NSUN5: variants seen among roughly 807,000 people sequenced by gnomAD.
The protein encoded by NSUN5 is NOP2/Sun RNA methyltransferase 5.
Under a neutral mutation model 51.1 loss-of-function variants are expected in NSUN5, and 39 were observed. That is an observed-to-expected ratio of 0.76 (90% confidence interval 0.59 to 1.00). The LOEUF is 1.00. NSUN5 is among the 50% of genes least tolerant of loss of function. The pLI, the probability that NSUN5 is intolerant of heterozygous loss-of-function variation, is 0.00. For missense variants in NSUN5, 526 were observed against 614.0 expected (o/e 0.86, Z 1.51); for synonymous variants, 266 against 271.5 (o/e 0.98, Z 0.20).
At chr7:73,307,271 G>C (rs782095556) in intron 4 of NSUN5, 123 bp downstream of exon 4, 6 of 701,560 alleles carry the variant, frequency 8.6e-6, no homozygotes, top group Non-Finnish European at 1.2e-5. Flanking sequence ...CTTGGAGATG[G>C]ATAAACTGCT....
chr7:73,306,385 CAAAAAAAAAAAAA>C (rs36038371), intron 4 of NSUN5, among the ~76,000 whole-genome samples: 57 of 26,022 alleles, frequency 2.2e-3, no homozygotes, highest in Admixed American at 7.0e-3. Flanking sequence ...ACCCTTGTCT[CAAAAAAAAAAAAA>C]AAAAAAAAAA....
chr7:73,308,588 T>A (rs542302984), intron 1 of NSUN5, 35 bp from the exon 2 acceptor site: 1 of 1,588,742 alleles, frequency 6.3e-7, no homozygotes, highest in South Asian at 1.1e-5. Context: ...GGGTGGGGGC[T>A]CCCCCGGCCC....
At position 73,304,390 on chromosome 7, in the gene NSUN5, G is replaced by A; in HGVS notation, c.774C>T (p.Asp258=). The A allele has an allele frequency of 6.2e-7, 1 of 1,612,714 alleles. No homozygotes were observed. The change falls in exon 7 of 10, where the codon GAC becomes GAT. Residue 258 remains aspartate (D), a synonymous_variant. Transcript: ENST00000438747. ...LKNQGKIFAF[D]LDAKRLASMA... ...TGGATGCCAGCCGCTTGGCATCCAG[G>A]TCAAAGGCAAAGATCTTCCTAGGGC...
Position 73,303,621 on chromosome 7 carries a change from A to G in NSUN5, c.1265T>C (p.Ile422Thr), listed in dbSNP as rs1554541091. ...TLSSGFFVAV[I>T]ERVEVPSSAS... is the part of the protein sequence containing the mutation. ...TCACCTTGGCACCTCGACCCGTTCA[A>G]TTACAGCAACGAAGAAGCCACTGCT... is the stretch of plus-strand genomic sequence containing the variant. The change falls in exon 9 of 10, where the codon ATT (isoleucine) becomes ACT (threonine). Residue 422 changes from isoleucine (I) to threonine (T), a missense_variant. By Grantham distance (89) the Ile-to-Thr change is moderately conservative. Coordinates refer to ENST00000438747, the MANE Select transcript of NSUN5 (RefSeq NM_148956.4). 2 of 1,614,006 alleles carry G rather than the reference A, an allele frequency of 1.2e-6. No individual in the cohort carries two copies. Among genetic ancestry groups the G allele is most frequent in the Admixed American group, 1.7e-5 (1 of 60,008 alleles).
At position 73,304,144 on chromosome 7, in the gene NSUN5, T is replaced by C. The variant is rs1279069690; in HGVS notation, c.934+86A>G. ...TCCCAGGGTCCCAAGCCCATTAGTG[T>C]CAGAAGTAAGACCAAAACAAATGAC... On this transcript the variant is annotated intron_variant, in intron 7 of 9. Transcript: ENST00000438747. The C allele has an allele frequency of 1.0e-5, 16 of 1,556,356 alleles. No individual in the cohort carries two copies. In the African/African-American group the frequency reaches 1.5e-4, roughly 15 times the overall value.
At position 73,303,033 on chromosome 7, in the gene NSUN5, G is replaced by T. The variant is rs554415809; in HGVS notation, c.*382C>A. ...CTAGTTTACCTCAGTTCCGCAGGCAGGACAGCCGGTCCGGGAACCCTGAGT... is the reference window on the plus strand; with the variant it reads ...CTAGTTTACCTCAGTTCCGCAGGCATGACAGCCGGTCCGGGAACCCTGAGT... On this transcript the variant is annotated 3_prime_UTR_variant, in exon 10 of 10. Transcript: ENST00000438747. 1,880 of 1,305,562 alleles carry T rather than the reference G, an allele frequency of 1.4e-3. 2 individuals are homozygous for T. The highest frequency in any genetic ancestry group is 1.7e-3 in the Non-Finnish European group (1,749 of 1,021,644). 80.9% of individuals were successfully genotyped at this position (1,305,562 alleles called of 1,614,324 possible).
In NSUN5 at chr7:73,304,838, G is replaced by T. The variant is rs1554541564; in HGVS notation, c.664C>A (p.Leu222Met). The T allele has an allele frequency of 1.2e-6, 2 of 1,613,844 alleles. No homozygotes were observed. The highest frequency in any genetic ancestry group is 2.7e-5 in the African/African-American group (2 of 74,922). Reference protein sequence around the residue: ...DRASCLPAMLLDPPPGSHVID... With the variant: ...DRASCLPAMLMDPPPGSHVID... ...ACATGGGAGCCTGGCGGGGGGTCCA[G>T]CAGCATGGCTGGGAGACAGCTGGCC... The change falls in exon 6 of 10, where the codon CTG (leucine) becomes ATG (methionine). Residue 222 changes from leucine to methionine, a missense_variant. Transcript: ENST00000438747.
Position 73,307,677 on chromosome 7 carries a change from C to T in NSUN5, c.297G>A (p.Gln99=), listed in dbSNP as rs1186608680. 6 of 1,612,624 alleles carry T rather than the reference C, an allele frequency of 3.7e-6. No homozygotes were observed. In the African/African-American group the frequency reaches 6.7e-5, roughly 18 times the overall value. The stretch of plus-strand genomic sequence containing the variant: ...GAGCCAACTCAGCCTTGAGCCTCGC[C>T]TGGTGCCGGCCCAACAGAGCCTTCC... ...GRWKALLGRH[Q]ARLKAELARL... Residue 99 remains glutamine (Q), a synonymous_variant, in exon 3 of 10, where the codon CAG becomes CAA. Coordinates refer to ENST00000438747, the MANE Select transcript of NSUN5 (RefSeq NM_148956.4).
intron 4 of NSUN5, among the ~76,000 whole-genome samples, chr7:73,306,767 G>A (rs1554541871): frequency 1.3e-5 from 2 of 151,924 alleles, no homozygotes; most frequent in African/African-American, 4.8e-5. Flanking sequence ...TCTAATTCCA[G>A]CTACTCAGGA....
chr7:73,303,474 T>C lies in NSUN5; in HGVS notation c.1342A>G (p.Lys448Glu), dbSNP rs782064611. The change falls in exon 10 of 10, where the codon AAG (lysine) becomes GAG (glutamate). Residue 448 changes from lysine to glutamate, a missense_variant. Lys to Glu is a moderately conservative substitution (Grantham distance 56). Coordinates refer to ENST00000438747, the MANE Select transcript of NSUN5 (RefSeq NM_148956.4). ...GCTCTTTGCTGTCTCTTCTTTCTCT[T>C]TGGGGCTGGGCTGGGTGTGCGTTCT... The part of the protein sequence containing the change: ...APERTPSPAP[K>E]RKKRQQRAAA... 3.1e-6 allele frequency: 5 copies of C among 1,614,046 alleles called. No homozygotes were observed. In the Admixed American group the frequency reaches 6.7e-5, roughly 22 times the overall value.
chr7:73,308,218 T>G (rs1479745652), intron 2 of NSUN5: 1 of 626,848 alleles, frequency 1.6e-6, no homozygotes, highest in African/African-American at 1.8e-5. Context: ...TCTCCGCCAC[T>G]ACCACTTTGT....
chr7:73,305,179 G>C, intron 4 of NSUN5, 82 bp from the exon 5 acceptor site: 1 of 1,523,756 alleles, frequency 6.6e-7, no homozygotes, highest in Non-Finnish European at 8.9e-7. Context: ...TGCAACAAAT[G>C]TTACCACAGC....
chr7:73,302,896 C>T lies in NSUN5; in HGVS notation c.*519G>A. The T allele has an allele frequency of 4.8e-6, 5 of 1,038,882 alleles. No homozygotes were observed. The highest frequency in any genetic ancestry group is 5.8e-6 in the Non-Finnish European group (5 of 860,414). 64.4% of individuals were successfully genotyped at this position (1,038,882 alleles called of 1,614,324 possible). A position where few individuals can be genotyped will look rare whatever the true frequency, so the allele number is the denominator to read the frequency against. On this transcript the variant is annotated 3_prime_UTR_variant, in exon 10 of 10. Coordinates refer to ENST00000438747, the MANE Select transcript of NSUN5 (RefSeq NM_148956.4). ...GTGTGCAGCTGAGGAGGGAGTGAACCTCAAGCCTAAATACCTGTTAGGATT... is the reference window on the plus strand; with the variant it reads ...GTGTGCAGCTGAGGAGGGAGTGAACTTCAAGCCTAAATACCTGTTAGGATT...
chr7:73,308,623 C>A (rs1804149974), intron 1 of NSUN5, 70 bp from the exon 2 acceptor site: 7 of 1,581,952 alleles, frequency 4.4e-6, no homozygotes, highest in Non-Finnish European at 6.1e-6. Context: ...CACCTCCCGA[C>A]CCCACCCGGG....
chr7:73,308,428 C>T lies in NSUN5; in HGVS notation c.216+3G>A. The T allele has an allele frequency of 6.3e-7, 1 of 1,597,720 alleles. No homozygotes were observed. Among genetic ancestry groups the T allele is most frequent in the Non-Finnish European group, 8.5e-7 (1 of 1,170,084 alleles). On this transcript the variant is annotated splice_donor_region_variant and intron_variant, in intron 2 of 9. Transcript: ENST00000438747. Reference sequence around the variant, plus strand: ...CACTTCCCCGTCCCTCCCCTCCCCTCACCTTGGCCAGGTGCGGCCGCAGCT... The same window carrying T: ...CACTTCCCCGTCCCTCCCCTCCCCTTACCTTGGCCAGGTGCGGCCGCAGCT...
chr7:73,308,670 C>A (rs782435292), intron 1 of NSUN5, 28 bp downstream of exon 1: 7 of 1,604,952 alleles, frequency 4.4e-6, no homozygotes, highest in Non-Finnish European at 5.1e-6. Flanking sequence ...CACTCCCCAC[C>A]CCTACTACTC....
chr7:73,306,160 G>A (rs545916227), intron 4 of NSUN5, among the ~76,000 whole-genome samples: 2 of 152,176 alleles, frequency 1.3e-5, no homozygotes, highest in Non-Finnish European at 2.9e-5. Context: ...GAGGCGGGCA[G>A]ATCACCTGAA....
chr7:73,305,168 A>G (rs1404770414), intron 4 of NSUN5, 71 bp from the exon 5 acceptor site: 2 of 1,552,332 alleles, frequency 1.3e-6, no homozygotes, highest in Non-Finnish European at 1.8e-6. Context: ...CGGTCCATTC[A>G]TGCAACAAAT....
intron 4 of NSUN5, among the ~76,000 whole-genome samples, chr7:73,305,462 C>CTTTT (rs782168515): frequency 5.3e-5 from 7 of 132,134 alleles, no homozygotes; most frequent in Admixed American, 1.5e-4. Context: ...AAAAAGTTTA[C>CTTTT]TTTTTTTTTT....
Sources: gnomAD v4.1 joint callset for allele counts (sites outside exome capture counted in the v4.1 genomes callset) on GRCh38, gnomAD v4.1.1 for gene constraint, MANE v1.5 for transcripts, NCBI Gene and HGNC (gene_info 2026-07-23, HGNC 2026-07-21) for gene names.